Variants in SEMA6D observed in about 807,000 individuals in gnomAD.
SEMA6D encodes the protein semaphorin-6D.
A neutral mutation model predicts 106.6 loss-of-function variants in SEMA6D; 35 were observed. That is an observed-to-expected ratio of 0.33 (90% CI 0.25 to 0.44). The LOEUF is 0.44. SEMA6D is among the 20% of genes least tolerant of loss of function. The pLI is 1.00. For missense variants in SEMA6D, 1,185 were observed against 1,345.9 expected (o/e 0.88, Z 1.87); for synonymous variants, 499 against 487.7 (o/e 1.02, Z -0.31).
chr15:47,678,351 T>C (rs1912637), intron 4 of SEMA6D, among the ~76,000 whole-genome samples: 136,436 of 152,152 alleles, frequency 0.9, 61,279 homozygotes, highest in Middle Eastern at 0.94. Flanking sequence ...TCCCCAGTCA[T>C]TGAGAGTCAA....
At chr15:47,733,148 A>G (rs1438348908) in intron 1 of SEMA6D, among the ~76,000 whole-genome samples, 1 of 152,180 alleles carries the variant, frequency 6.6e-6, no homozygotes, top group Non-Finnish European at 1.5e-5. Context: ...GTTACATGTG[A>G]TAAATTCTGT....
chr15:47,303,506 G>T (rs1398823516), intron 1 of SEMA6D, among the ~76,000 whole-genome samples: 1 of 152,130 alleles, frequency 6.6e-6, no homozygotes, highest in Non-Finnish European at 1.5e-5. Context: ...ACCGTTTCTT[G>T]TTTTGCCTTC....
intron 1 of SEMA6D, among the ~76,000 whole-genome samples, chr15:47,386,386 G>A (rs1026304012): frequency 6.6e-6 from 1 of 152,136 alleles, no homozygotes; most frequent in African/African-American, 2.4e-5. Context: ...TCACGAAGCA[G>A]ACACCAATAT....
chr15:47,692,519 C>T (rs1168675388), intron 4 of SEMA6D, among the ~76,000 whole-genome samples: 1 of 152,098 alleles, frequency 6.6e-6, no homozygotes, highest in Non-Finnish European at 1.5e-5. Context: ...TCCCTTCAGC[C>T]CAGAGTGAAG....
intron 1 of SEMA6D, among the ~76,000 whole-genome samples, chr15:47,343,272 A>ATTATTATTATTATTATTATTG (rs1016166275): frequency 4.3e-4 from 64 of 150,466 alleles, no homozygotes; most frequent in African/African-American, 1.5e-3. Flanking sequence ...TATTATTATT[A>ATTATTATTATTATTATTATTG]TACTTTAAGT....
At chr15:47,725,379 A>G (rs889621965) in intron 1 of SEMA6D, among the ~76,000 whole-genome samples, 25 of 152,232 alleles carry the variant, frequency 1.6e-4, no homozygotes, top group Admixed American at 1.3e-3. Context: ...TGGAGCTATG[A>G]CAACCTTTTC....
rs146078587 is a variant in SEMA6D at position 47,330,906 on chromosome 15, G to A, written c.-238-81487G>A. Among the ~76,000 whole-genome samples the A allele has an allele frequency of 3.1e-3, 466 of 152,276 alleles. 4 individuals are homozygous for A. The highest frequency in any genetic ancestry group is 0.011 in the African/African-American group (437 of 41,568). On this transcript the variant is annotated intron_variant, in intron 1 of 19. Transcript: ENST00000558014. Reference sequence around the variant, plus strand: ...CACCTACAGAGGTAATGTTCATCAAGAATGCATACCTGCTTATGGATATGA... The same window carrying A: ...CACCTACAGAGGTAATGTTCATCAAAAATGCATACCTGCTTATGGATATGA...
At chr15:47,318,218 G>A (rs1167075909) in intron 1 of SEMA6D, among the ~76,000 whole-genome samples, 6 of 150,110 alleles carry the variant, frequency 4.0e-5, no homozygotes, top group Admixed American at 3.3e-4. Flanking sequence ...TAGAAGTTGC[G>A]AATATTTTTT....
chr15:47,558,556 T>C (rs1401870939), intron 3 of SEMA6D, among the ~76,000 whole-genome samples: 1 of 151,810 alleles, frequency 6.6e-6, no homozygotes, highest in African/African-American at 2.4e-5. Flanking sequence ...TTGCACAGGG[T>C]GAAGAGGAAT....
At chr15:47,768,535 A>T in intron 17 of SEMA6D, 46 bp from the exon 18 acceptor site, 4 of 1,437,408 alleles carry the variant, frequency 2.8e-6, no homozygotes, top group Non-Finnish European at 3.7e-6. Flanking sequence ...AATCAAAAAA[A>T]ATCTTGACAC....
chr15:47,216,488 C>T (rs1595754115), intron 1 of SEMA6D, among the ~76,000 whole-genome samples: 1 of 152,120 alleles, frequency 6.6e-6, no homozygotes, highest in South Asian at 2.1e-4. Context: ...TATTCTTTTC[C>T]AAGCCAATTT....
intron 1 of SEMA6D, among the ~76,000 whole-genome samples, chr15:47,736,814 T>C (rs2080471666): frequency 6.6e-6 from 1 of 152,192 alleles, no homozygotes; most frequent in Non-Finnish European, 1.5e-5. Flanking sequence ...GCAATCAGTT[T>C]TTTGTTTGCT....
At chr15:47,211,881 G>T (rs928799718) in intron 1 of SEMA6D, among the ~76,000 whole-genome samples, 18 of 151,734 alleles carry the variant, frequency 1.2e-4, no homozygotes, top group African/African-American at 3.9e-4. Flanking sequence ...TTAATAATTA[G>T]CTCTCCTGAA....
At chr15:47,657,695 A>G (rs1243385451) in intron 4 of SEMA6D, among the ~76,000 whole-genome samples, 1 of 117,306 alleles carries the variant, frequency 8.5e-6, no homozygotes. Flanking sequence ...AATTTAATCC[A>G]TTTAGTGACA....
chr15:47,243,103 A>G (rs28523918), intron 1 of SEMA6D, among the ~76,000 whole-genome samples: 2,458 of 152,252 alleles, frequency 0.016, 50 homozygotes, highest in Non-Finnish European at 0.019. Context: ...GCTGCCTGAG[A>G]AATTGGAATC....
intron 1 of SEMA6D, among the ~76,000 whole-genome samples, chr15:47,252,044 TAGCTGGGACTAC>T (rs1413905768): frequency 6.8e-6 from 1 of 147,208 alleles, no homozygotes; most frequent in Non-Finnish European, 1.5e-5. Context: ...GCCTCCCGAG[TAGCTGGGACTAC>T]AGGCGCCCGC....
intron 4 of SEMA6D, among the ~76,000 whole-genome samples, chr15:47,634,480 C>G (rs944179681): frequency 6.6e-6 from 1 of 152,128 alleles, no homozygotes; most frequent in Non-Finnish European, 1.5e-5. Flanking sequence ...GACACCATGA[C>G]AGTGGAAAAG....
rs988174328 is a variant in SEMA6D, at chr15:47,722,713, A to C, written c.-55+5021A>C. Reference sequence around the variant, plus strand: ...TTCTCTCCATAACATTTACTAGTGAAATCAGCCACAAAACATCTGAAGGAT... The same window carrying C: ...TTCTCTCCATAACATTTACTAGTGACATCAGCCACAAAACATCTGAAGGAT... On this transcript the variant is annotated intron_variant, in intron 1 of 18. Transcript: ENST00000536845. Among the ~76,000 whole-genome samples the C allele has an allele frequency of 7.7e-4, 118 of 152,294 alleles. 1 individual carries two copies. Among genetic ancestry groups the C allele is most frequent in the Admixed American group, 7.7e-3 (118 of 15,302 alleles).
In SEMA6D at chr15:47,766,639, C is replaced by A; in HGVS notation, c.1670C>A (p.Thr557Lys). ...AGTGCTGAAGGATATGAACAAGACA[C>A]AGAATTCGGCAACACAGCTCATCTA... ...GMLAEGYEQD[T>K]EFGNTAHLGD... is the part of the protein sequence containing the mutation. The change falls in exon 16 of 19, where the codon ACA becomes AAA. Residue 557 changes from threonine to lysine, a missense_variant. By Grantham distance (78) the Thr-to-Lys change is moderately conservative (BLOSUM62 -1). Transcript: ENST00000536845. 2.5e-6 allele frequency: 4 copies of A among 1,612,874 alleles called. No individual in the cohort carries two copies. The highest frequency in any genetic ancestry group is 3.4e-6 in the Non-Finnish European group (4 of 1,179,194).
Sources: allele counts gnomAD v4.1 joint callset (sites outside exome capture counted in the v4.1 genomes callset), GRCh38; gene constraint gnomAD v4.1.1; transcripts MANE v1.5; gene names NCBI Gene and HGNC (gene_info 2026-07-23, HGNC 2026-07-21).